The following LOXL2 variants were observed in gnomAD, a reference collection of about 807,000 sequenced individuals.
LOXL2 encodes lysyl oxidase homolog 2.
LOXL2 carries 70 observed loss-of-function variants against 93.0 expected under a neutral mutation model. The ratio of observed to expected loss-of-function variants is 0.75; its 90% CI spans 0.62 to 0.92. The LOEUF is 0.92. LOXL2 is among the 40% of genes least tolerant of loss of function. The pLI, the probability that LOXL2 is intolerant of heterozygous loss-of-function variation, is 0.00. For missense variants in LOXL2, 973 were observed against 1,054.9 expected, an observed-to-expected ratio of 0.92 and a Z score of 1.08; for synonymous variants, 438 against 413.2, an observed-to-expected ratio of 1.06 and a Z score of -0.73.
At chr8:23,362,046 A>G (rs755984261) in intron 2 of LOXL2, among the ~76,000 whole-genome samples, 13 of 151,088 alleles carry the variant, frequency 8.6e-5, no homozygotes, top group African/African-American at 3.2e-4. Context: ...TGTCTCTAAG[A>G]GATATCTACA....
At chr8:23,332,623 AC>A (rs1470766202) in intron 5 of LOXL2, among the ~76,000 whole-genome samples, 11 of 86,632 alleles carry the variant, frequency 1.3e-4, no homozygotes, top group African/African-American at 5.3e-4. Context: ...CACCCAACAC[AC>A]CCACTCATAC....
At chr8:23,335,265 T>G (rs1381164340) in intron 4 of LOXL2, among the ~76,000 whole-genome samples, 1 of 152,114 alleles carries the variant, frequency 6.6e-6, no homozygotes, top group Non-Finnish European at 1.5e-5. Context: ...TGAGGTCTCC[T>G]GGGACCAGGG....
At chr8:23,398,820 T>A (rs1310021462) in intron 1 of LOXL2, among the ~76,000 whole-genome samples, 2 of 152,142 alleles carry the variant, frequency 1.3e-5, no homozygotes, top group African/African-American at 2.4e-5. Flanking sequence ...GGCTAATTTT[T>A]TTTTTTTGGT....
intron 1 of LOXL2, among the ~76,000 whole-genome samples, chr8:23,380,132 C>A (rs942779380): frequency 6.6e-6 from 1 of 152,226 alleles, no homozygotes; most frequent in Non-Finnish European, 1.5e-5. Context: ...TGCTGGCTTA[C>A]GCCTGTAATC....
At chr8:23,398,385 GA>G (rs1294664164) in intron 1 of LOXL2, among the ~76,000 whole-genome samples, 1 of 152,094 alleles carries the variant, frequency 6.6e-6, no homozygotes. Flanking sequence ...TCGTAGGAAT[GA>G]AAAAACTAAA....
At chr8:23,359,490 G>A (rs1804253928) in intron 3 of LOXL2, among the ~76,000 whole-genome samples, 1 of 152,172 alleles carries the variant, frequency 6.6e-6, no homozygotes, top group Non-Finnish European at 1.5e-5. Context: ...GCAGTCTACA[G>A]CTAGCAAGGA....
chr8:23,307,837 A>G (rs1803254052), intron 10 of LOXL2, among the ~76,000 whole-genome samples: 2 of 150,540 alleles, frequency 1.3e-5, no homozygotes, highest in East Asian at 2.0e-4. Flanking sequence ...AGAATATTCA[A>G]TTGTTTGAAT....
intron 8 of LOXL2, among the ~76,000 whole-genome samples, chr8:23,318,739 G>A (rs1803445639): frequency 6.6e-6 from 1 of 152,210 alleles, no homozygotes; most frequent in African/African-American, 2.4e-5. Context: ...TTTAGAGAGT[G>A]CCCTGGCTTG....
chr8:23,310,047 T>TA (rs934247956), intron 9 of LOXL2, 136 bp from the exon 10 acceptor site: 2 of 852,568 alleles, frequency 2.3e-6, no homozygotes, highest in Non-Finnish European at 3.2e-6. Flanking sequence ...TCCTCAAGGT[T>TA]ACCTTCTTGT....
chr8:23,371,947 A>G (rs898103836), intron 1 of LOXL2, among the ~76,000 whole-genome samples: 1 of 151,958 alleles, frequency 6.6e-6, no homozygotes, highest in Non-Finnish European at 1.5e-5. Flanking sequence ...CATTGTAAGA[A>G]CCATATACTG....
Position 23,298,058 on chromosome 8 carries a change from C to T in LOXL2, c.2310G>A (p.Gln770=), listed in dbSNP as rs781755053. The change falls in exon 14 of 14, where the codon CAG becomes CAA. Residue 770 remains glutamine (Q), a synonymous_variant. Transcript: ENST00000389131. The stretch of plus-strand genomic sequence containing the variant: ...GCAGGCTTCTTTACTGCGGGGACAG[C>T]TGGTTGTTTAAGAGCCCGCTGAAGT... ...FEHFSGLLNN[Q]LSPQ 6.2e-7 allele frequency: 1 copy of T among 1,613,846 alleles called. No homozygotes were observed. Among genetic ancestry groups the T allele is most frequent in the Admixed American group, 1.7e-5 (1 of 60,016 alleles).
intron 4 of LOXL2, among the ~76,000 whole-genome samples, chr8:23,335,450 A>C (rs1244874772): frequency 1.3e-5 from 2 of 152,220 alleles, no homozygotes; most frequent in Non-Finnish European, 2.9e-5. Context: ...GAAATAAATA[A>C]GTAAATAAAT....
At chr8:23,302,973 C>T (rs966556939) in intron 11 of LOXL2, among the ~76,000 whole-genome samples, 11 of 152,142 alleles carry the variant, frequency 7.2e-5, no homozygotes, top group East Asian at 1.9e-4. Context: ...GAGGGGCATA[C>T]GCATCAGGGT....
At chr8:23,304,197 CAGGCTGCAAATCCCT>C (rs1803189015) in intron 10 of LOXL2, among the ~76,000 whole-genome samples, 1 of 152,260 alleles carries the variant, frequency 6.6e-6, no homozygotes, top group Non-Finnish European at 1.5e-5. Flanking sequence ...CTTGTGCAAG[CAGGCTGCAAATCCCT>C]TGCCGCTGGT....
At chr8:23,370,822 G>GCATTC (rs1232412547) in intron 1 of LOXL2, 1 of 152,276 alleles carries the variant, frequency 6.6e-6, no homozygotes, top group Non-Finnish European at 1.5e-5. Flanking sequence ...TTCCTGAAGA[G>GCATTC]CTGCACTCTA....
intron 12 of LOXL2, 80 bp downstream of exon 12, chr8:23,301,947 G>C: frequency 6.4e-7 from 1 of 1,556,554 alleles, no homozygotes; most frequent in Non-Finnish European, 8.8e-7. Flanking sequence ...CCCCTGTGTG[G>C]ACACCAATGG....
Position 23,368,137 on chromosome 8 carries a change from A to G in LOXL2, c.215T>C (p.Val72Ala). 1 of 1,613,906 alleles carries G rather than the reference A, an allele frequency of 6.2e-7. No individual in the cohort carries two copies. Among genetic ancestry groups the G allele is most frequent in the Non-Finnish European group, 8.5e-7 (1 of 1,179,990 alleles). Reference sequence around the variant, plus strand: ...CCACTGGCCATCATAGTACACCTCCACCCGGCCCTCGCTGTGCTTCCTCTT... The same window carrying G: ...CCACTGGCCATCATAGTACACCTCCGCCCGGCCCTCGCTGTGCTTCCTCTT... ...GQKRKHSEGRVEVYYDGQWGT... is the reference protein window; with the variant it reads ...GQKRKHSEGRAEVYYDGQWGT... The change falls in exon 2 of 14, where the codon GTG becomes GCG. Residue 72 changes from valine (V) to alanine (A), a missense_variant. Transcript: ENST00000389131.
chr8:23,298,067 T>C lies in LOXL2; in HGVS notation c.2301A>G (p.Leu767=). Residue 767 remains leucine, a synonymous_variant, in exon 14 of 14, where the codon TTA becomes TTG. Transcript: ENST00000389131. ...EKKFEHFSGL[L]NNQLSPQ is the part of the protein sequence containing the mutation. ...TTTACTGCGGGGACAGCTGGTTGTT[T>C]AAGAGCCCGCTGAAGTGCTCAAACT... The C allele has an allele frequency of 2.5e-6, 4 of 1,613,888 alleles. No homozygotes were observed. Among genetic ancestry groups the C allele is most frequent in the South Asian group, 2.2e-5 (2 of 91,056 alleles).
rs549173658 is a variant in LOXL2, at chr8:23,385,134, C to T, written c.-83-16700G>A. Among the ~76,000 whole-genome samples, 212 of 148,936 alleles carry T rather than the reference C, an allele frequency of 1.4e-3. 2 individuals are homozygous for T. Among genetic ancestry groups the T allele is most frequent in the Non-Finnish European group, 1.1e-3 (70 of 66,126 alleles). On this transcript the variant is annotated intron_variant, in intron 1 of 13. Transcript: ENST00000389131. The stretch of plus-strand genomic sequence containing the variant: ...ATGTATTTATTTACCACTCCCTGCG[C>T]CCCCGTCCTGTTCGAACAGGATCAC...
Sources: gnomAD v4.1 joint callset for allele counts (sites outside exome capture counted in the v4.1 genomes callset) on GRCh38, gnomAD v4.1.1 for gene constraint, MANE v1.5 for transcripts, NCBI Gene and HGNC (gene_info 2026-07-23, HGNC 2026-07-21) for gene names.